The following ZNF318 variants were observed in gnomAD, a reference collection of about 807,000 sequenced individuals.
ZNF318 encodes the protein zinc finger protein 318.
A neutral mutation model predicts 124.2 loss-of-function variants in ZNF318; 51 were observed. That is an observed-to-expected ratio of 0.41 (90% CI 0.33 to 0.52). The LOEUF (loss-of-function observed/expected upper bound fraction) is 0.52. Ranked by LOEUF, ZNF318 falls within the 20% of genes least tolerant of loss-of-function variation. The probability of loss-of-function intolerance (pLI) is 0.23; values close to 1 mark genes in which losing one functional copy is unlikely to be tolerated. For missense variants in ZNF318, 2,815 were observed against 2,811.2 expected, an observed-to-expected ratio of 1.00 and a Z score of -0.03; for synonymous variants, 1,090 against 1,040.7, an observed-to-expected ratio of 1.05 and a Z score of -0.91.
intron 8 of ZNF318, 76 bp downstream of exon 8, chr6:43,342,036 T>C (rs758472172): frequency 3.8e-6 from 5 of 1,303,020 alleles, no homozygotes; most frequent in South Asian, 1.2e-5. Flanking sequence ...TGCTGCTTCC[T>C]ACAATGTTAG....
chr6:43,368,604 G>A (rs1002363495), intron 1 of ZNF318: 5 of 928,824 alleles, frequency 5.4e-6, no homozygotes, highest in Non-Finnish European at 6.4e-6. Flanking sequence ...AGGTGTAAGG[G>A]GATGAAAAGT....
intron 8 of ZNF318, 43 bp from the exon 9 acceptor site, chr6:43,340,951 C>T: frequency 2.8e-6 from 4 of 1,413,244 alleles, no homozygotes; most frequent in African/African-American, 1.4e-5. Flanking sequence ...GTCGATTCCA[C>T]CCAGAATGAC....
At chr6:43,361,918 G>T (rs886291937) in intron 2 of ZNF318, among the ~76,000 whole-genome samples, 1 of 152,198 alleles carries the variant, frequency 6.6e-6, no homozygotes, top group Non-Finnish European at 1.5e-5. Context: ...CACTTTGGGA[G>T]GCTGAGGCAG....
intron 6 of ZNF318, among the ~76,000 whole-genome samples, chr6:43,347,480 A>T (rs1779463334): frequency 6.6e-6 from 1 of 152,226 alleles, no homozygotes; most frequent in Admixed American, 6.5e-5. Flanking sequence ...TAGGGAAAGC[A>T]GAGCACTGAG....
chr6:43,368,695 CT>C, intron 1 of ZNF318: 1 of 985,504 alleles, frequency 1.0e-6, no homozygotes, highest in Non-Finnish European at 1.2e-6. Flanking sequence ...CCTTGGCAAA[CT>C]TTCCACACCT....
At chr6:43,367,952 G>T (rs1017257195) in intron 1 of ZNF318, among the ~76,000 whole-genome samples, 1 of 152,198 alleles carries the variant, frequency 6.6e-6, no homozygotes, top group Non-Finnish European at 1.5e-5. Context: ...TTGAACCCCG[G>T]AGGCGGAGGT....
chr6:43,356,101 AG>A lies in ZNF318; in HGVS notation c.1232del (p.Pro411LeufsTer11), dbSNP rs1779605841. 6.2e-7 allele frequency: 1 copy of A among 1,613,918 alleles called. No individual in the cohort carries two copies. The highest frequency in any genetic ancestry group is 1.3e-5 in the African/African-American group (1 of 74,926). On this transcript the variant is annotated frameshift_variant, in exon 4 of 10. Transcript: ENST00000361428. LOFTEE classifies it high-confidence loss of function. ...GAAGGGATGGGTGCCCAGAGTAGAG[AG>A]GGTGATCCTGGCTGGAGCTGGTACT... ...SSSTSSSQDH[P>X]LYSGHPSLPL...
At position 43,355,404 on chromosome 6, in the gene ZNF318, G is replaced by A. The variant is rs762424553; in HGVS notation, c.1930C>T (p.His644Tyr). 1 of 1,614,136 alleles carries A rather than the reference G, an allele frequency of 6.2e-7. No homozygotes were observed. The highest frequency in any genetic ancestry group is 1.7e-5 in the Admixed American group (1 of 60,028). ...AAGCGGTGGTCAACTGAGGAACAGT[G>A]GTCAGCTGAAAAGTATCGGTCAACT... is the stretch of plus-strand genomic sequence containing the variant. ...SSVDRYFSAD[H>Y]CSSVDHRFSA... The change falls in exon 4 of 10, where the codon CAC becomes TAC. Residue 644 changes from histidine (H) to tyrosine (Y), a missense_variant. His to Tyr is a moderately conservative substitution (Grantham distance 83). Coordinates refer to ENST00000361428, the MANE Select transcript of ZNF318 (RefSeq NM_014345.3).
intron 6 of ZNF318, among the ~76,000 whole-genome samples, chr6:43,346,515 A>G (rs1051916205): frequency 2.9e-5 from 3 of 104,138 alleles, no homozygotes; most frequent in Admixed American, 1.2e-4. Flanking sequence ...GCAAGACCCC[A>G]TCTTTAACCA....
Position 43,369,181 on chromosome 6 carries a change from C to G in ZNF318, c.185G>C (p.Gly62Ala). 1.6e-6 allele frequency: 2 copies of G among 1,212,166 alleles called. No individual in the cohort carries two copies. Among genetic ancestry groups the G allele is most frequent in the Non-Finnish European group, 2.0e-6 (2 of 976,786 alleles). 75.1% of individuals were successfully genotyped at this position (1,212,166 alleles called of 1,614,324 possible). Residue 62 changes from glycine (G) to alanine (A), a missense_variant, in exon 1 of 10, where the codon GGG (glycine) becomes GCG (alanine). By Grantham distance (60) the Gly-to-Ala change is moderately conservative. Around this residue, in one of 4 missense-constraint regions of ZNF318, gnomAD observed 1,377 missense variants for 1,353.5 expected, o/e 1.02. Transcript: ENST00000361428. Reference sequence around the variant, plus strand: ...CGGCGAGGCCCGGCGGCCGCGGTGCCCTGAGGGCGAGCGGGGTCGGCGAGC... The same window carrying G: ...CGGCGAGGCCCGGCGGCCGCGGTGCGCTGAGGGCGAGCGGGGTCGGCGAGC... ...TPARRPRSPS[G>A]HRGRRASPSP...
intron 5 of ZNF318, 53 bp from the exon 6 acceptor site, chr6:43,348,678 T>C (rs1454457620): frequency 5.7e-6 from 9 of 1,571,716 alleles, no homozygotes; most frequent in Non-Finnish European, 7.8e-6. Flanking sequence ...AGACGAGTCA[T>C]TTCTCATTTA....
intron 7 of ZNF318, 61 bp downstream of exon 7, chr6:43,342,615 G>A: frequency 6.5e-7 from 1 of 1,531,734 alleles, no homozygotes; most frequent in South Asian, 1.1e-5. Context: ...TGCAGATAGG[G>A]GTATAGAAGT....
chr6:43,338,784 T>C lies in ZNF318; in HGVS notation c.5214A>G (p.Ile1738Met). The change falls in exon 10 of 10, where the codon ATA (isoleucine) becomes ATG (methionine). Residue 1738 changes from isoleucine (I) to methionine (M), a missense_variant. By Grantham distance (10) the Ile-to-Met change is conservative (BLOSUM62 1). Around this residue, in one of 4 missense-constraint regions of ZNF318, gnomAD observed 927 missense variants for 820.6 expected, o/e 1.13. Coordinates refer to ENST00000361428, the MANE Select transcript of ZNF318 (RefSeq NM_014345.3). ...GVEPPPQLLD[I>M]QCKESQKLVE... The stretch of plus-strand genomic sequence containing the variant: ...CCAACTTCTGAGATTCTTTGCACTG[T>C]ATATCTAACAGTTGAGGAGGTGGTT... 2 of 1,614,176 alleles carry C rather than the reference T, an allele frequency of 1.2e-6. No individual in the cohort carries two copies.
rs1353803329 is a variant in ZNF318 at position 43,338,240 on chromosome 6, C to G, written c.5758G>C (p.Gly1920Arg). 6.2e-7 allele frequency: 1 copy of G among 1,614,138 alleles called. No individual in the cohort carries two copies. The highest frequency in any genetic ancestry group is 8.5e-7 in the Non-Finnish European group (1 of 1,180,036). The change falls in exon 10 of 10, where the codon GGG becomes CGG. Residue 1920 changes from glycine to arginine, a missense_variant. Physicochemically the swap from Gly to Arg is moderately radical, Grantham distance 125. Transcript: ENST00000361428. ...EQGVSVVSEE[G>R]LENSAPESAS... ...GATTCTGGAGCTGAATTCTCTAGCC[C>G]CTCCTCACTAACAACTGAAACTCCT...
Position 43,365,445 on chromosome 6 carries a change from A to G in ZNF318, c.400-5T>C, listed in dbSNP as rs538016159. 1 of 1,612,760 alleles carries G rather than the reference A, an allele frequency of 6.2e-7. No homozygotes were observed. The highest frequency in any genetic ancestry group is 1.1e-5 in the South Asian group (1 of 91,028). ...ACACAGACCAGGAGAGCGTCTCTAC[A>G]AAAGTAAAGGATAATATGGTTAGTC... On this transcript the variant is annotated splice_region_variant and splice_polypyrimidine_tract_variant and intron_variant, in intron 1 of 9. Coordinates refer to ENST00000361428, the MANE Select transcript of ZNF318 (RefSeq NM_014345.3).
Position 43,336,960 on chromosome 6 carries a change from G to T in ZNF318, c.*198C>A, listed in dbSNP as rs754418652. ...ATATATATATATATAAGTTGTTATC[G>T]ATTTGTCTGGTGTTTTAAGGGGAAA... On this transcript the variant is annotated 3_prime_UTR_variant, in exon 10 of 10. Coordinates refer to ENST00000361428, the MANE Select transcript of ZNF318 (RefSeq NM_014345.3). The T allele has an allele frequency of 1.3e-5, 5 of 377,570 alleles. 1 individual carries two copies. Among genetic ancestry groups the T allele is most frequent in the Admixed American group, 4.2e-5 (1 of 23,868 alleles). The allele number at this position is 377,570 out of a possible 1,614,324, so 23.4% of individuals were successfully genotyped here.
rs771236798 is a variant in ZNF318 at position 43,339,695 on chromosome 6, G to A, written c.4303C>T (p.His1435Tyr). The A allele has an allele frequency of 3.7e-6, 6 of 1,613,828 alleles. No individual in the cohort carries two copies. The highest frequency in any genetic ancestry group is 1.3e-5 in the African/African-American group (1 of 74,896). ...GGTGGTAGTATTTGTTCAGGTAAAT[G>A]AGATGGCTCACTCTTTTCAGCCAAC... ...VVLAEKSEPS[H>Y]LPEQILPPPP... The change falls in exon 10 of 10, where the codon CAT becomes TAT. Residue 1435 changes from histidine to tyrosine, a missense_variant. Coordinates refer to ENST00000361428, the MANE Select transcript of ZNF318 (RefSeq NM_014345.3). The surrounding 1 kb of genome is among the most constrained non-coding windows in gnomAD (Gnocchi z 4.2).
At position 43,338,690 on chromosome 6, in the gene ZNF318, A is replaced by G; in HGVS notation, c.5308T>C (p.Cys1770Arg). 1.2e-6 allele frequency: 2 copies of G among 1,614,128 alleles called. No individual in the cohort carries two copies. Among genetic ancestry groups the G allele is most frequent in the Non-Finnish European group, 1.7e-6 (2 of 1,180,028 alleles). Residue 1770 changes from cysteine (C) to arginine (R), a missense_variant, in exon 10 of 10, where the codon TGT becomes CGT. This residue lies in a region of ZNF318 where 927 missense variants were observed against 820.6 expected (regional missense o/e 1.13). Coordinates refer to ENST00000361428, the MANE Select transcript of ZNF318 (RefSeq NM_014345.3). Reference sequence around the variant, plus strand: ...TTTGTCTCTATCTCACTTTCTCTACAATCCTCAGATTTACGGAGCTCTTGG... The same window carrying G: ...TTTGTCTCTATCTCACTTTCTCTACGATCCTCAGATTTACGGAGCTCTTGG... ...ESQELRKSED[C>R]RESEIETNTE...
At chr6:43,353,132 A>C (rs1410019049) in intron 4 of ZNF318, among the ~76,000 whole-genome samples, 1 of 152,218 alleles carries the variant, frequency 6.6e-6, no homozygotes, top group Non-Finnish European at 1.5e-5. Context: ...CCCTGACTTA[A>C]GGACTAGATT....
Sources: gnomAD v4.1 joint callset for allele counts (sites outside exome capture counted in the v4.1 genomes callset) on GRCh38, gnomAD v4.1.1 for gene constraint, gnomAD v4.1.1 regional missense constraint, Gnocchi (gnomAD v3.1) non-coding constraint, MANE v1.5 for transcripts, NCBI Gene and HGNC (gene_info 2026-07-23, HGNC 2026-07-21) for gene names.